METAP1: variants seen among roughly 807,000 people sequenced by gnomAD.
The protein encoded by METAP1 is methionine aminopeptidase 1.
A neutral mutation model predicts 53.8 loss-of-function variants in METAP1; 28 were observed. That is an observed-to-expected ratio of 0.52 (90% CI 0.39 to 0.71). The LOEUF (loss-of-function observed/expected upper bound fraction) is 0.71, where lower values mean the gene tolerates loss of function less well. Ranked by LOEUF, METAP1 falls within the 30% of genes least tolerant of loss-of-function variation. The pLI, the probability that METAP1 is intolerant of heterozygous loss-of-function variation, is 0.00. For synonymous variants in METAP1, 181 were observed against 165.7 expected, an observed-to-expected ratio of 1.09 and a Z score of -0.71; for missense variants, 389 against 479.8, an observed-to-expected ratio of 0.81 and a Z score of 1.77.
chr4:99,045,072 A>C, intron 7 of METAP1, 107 bp from the exon 8 acceptor site: 1 of 1,144,900 alleles, frequency 8.7e-7, no homozygotes, highest in East Asian at 2.6e-5. Context: ...TTGAGAATGC[A>C]GAAGTTGTCT....
chr4:99,046,936 CAAA>C (rs56702946), intron 8 of METAP1, among the ~76,000 whole-genome samples: 2 of 82,220 alleles, frequency 2.4e-5, no homozygotes, highest in African/African-American at 3.7e-5. Context: ...ACTGAAGAAA[CAAA>C]AAAAAAAAAA....
intron 1 of METAP1, chr4:99,022,964 A>T: frequency 6.7e-7 from 1 of 1,484,554 alleles, no homozygotes; most frequent in Non-Finnish European, 9.1e-7. Context: ...AGGGGCTGGA[A>T]GTGTGGTGGG....
chr4:99,049,006 A>G (rs1210146468), intron 9 of METAP1, 130 bp downstream of exon 9: 1 of 1,142,112 alleles, frequency 8.8e-7, no homozygotes, highest in Non-Finnish European at 1.3e-6. Flanking sequence ...AGATTCCCAA[A>G]ATGTGTATTT....
intron 6 of METAP1, 63 bp downstream of exon 6, chr4:99,041,189 A>G (rs1725840122): frequency 2.6e-6 from 3 of 1,141,096 alleles, no homozygotes; most frequent in Admixed American, 2.2e-5. Context: ...TTGAACTTAA[A>G]CATTAAGTAG....
intron 1 of METAP1, among the ~76,000 whole-genome samples, chr4:99,008,785 T>G (rs1382075401): frequency 1.3e-5 from 2 of 152,230 alleles, no homozygotes. Context: ...AAATGTTAGC[T>G]GCTGTTTTTT....
At chr4:99,028,833 G>T (rs1724776523) in intron 1 of METAP1, 34 bp from the exon 2 acceptor site, 1 of 1,458,416 alleles carries the variant, frequency 6.9e-7, no homozygotes, top group African/African-American at 1.4e-5. Context: ...ATTAAGGAAG[G>T]CCTGACACTA....
At chr4:98,998,644 G>C (rs1160287784) in intron 1 of METAP1, among the ~76,000 whole-genome samples, 1 of 152,210 alleles carries the variant, frequency 6.6e-6, no homozygotes, top group Non-Finnish European at 1.5e-5. Context: ...TGGCCTGGCT[G>C]TCTGGCCAGC....
At chr4:99,026,235 A>G (rs1724548824) in intron 1 of METAP1, 2 of 985,194 alleles carry the variant, frequency 2.0e-6, no homozygotes, top group South Asian at 9.4e-5. Flanking sequence ...TGTTGGTGCT[A>G]AAGAAAAAAG....
intron 2 of METAP1, 66 bp from the exon 3 acceptor site, chr4:99,034,164 G>T: frequency 1.0e-6 from 1 of 959,290 alleles, no homozygotes; most frequent in South Asian, 1.4e-5. Context: ...TCATTAGCTT[G>T]ACCACTGAAA....
chr4:99,030,200 TA>T (rs1724904253), intron 2 of METAP1, among the ~76,000 whole-genome samples: 1 of 152,160 alleles, frequency 6.6e-6, no homozygotes, highest in African/African-American at 2.4e-5. Flanking sequence ...AATATGTTAG[TA>T]AAAAAGCTTA....
chr4:99,046,483 C>T (rs1726244243), intron 8 of METAP1, among the ~76,000 whole-genome samples: 1 of 152,164 alleles, frequency 6.6e-6, no homozygotes, highest in Non-Finnish European at 1.5e-5. Context: ...AATGGGCAAA[C>T]AGCCTTCTGG....
intron 1 of METAP1, among the ~76,000 whole-genome samples, chr4:99,021,346 G>A (rs1026172423): frequency 6.6e-6 from 1 of 152,060 alleles, no homozygotes; most frequent in African/African-American, 2.4e-5. Flanking sequence ...GGTTTTAAAA[G>A]TCTCCTTGTC....
At chr4:99,030,430 G>C (rs1045437898) in intron 2 of METAP1, among the ~76,000 whole-genome samples, 1 of 152,134 alleles carries the variant, frequency 6.6e-6, no homozygotes, top group South Asian at 2.1e-4. Context: ...CCATCTTGTA[G>C]CTATTGCTCT....
chr4:99,007,246 T>G (rs1299522336), intron 1 of METAP1, among the ~76,000 whole-genome samples: 1 of 152,154 alleles, frequency 6.6e-6, no homozygotes, highest in African/African-American at 2.4e-5. Flanking sequence ...TGTGAGCCAC[T>G]GCACCTGACC....
intron 5 of METAP1, 32 bp from the exon 6 acceptor site, chr4:99,041,011 T>G (rs1332711369): frequency 6.5e-7 from 1 of 1,528,534 alleles, no homozygotes; most frequent in Non-Finnish European, 9.0e-7. Context: ...TTCTGTGTCT[T>G]TTTTAATGTA....
At chr4:99,046,332 G>A (rs571086662) in intron 8 of METAP1, among the ~76,000 whole-genome samples, 24 of 152,168 alleles carry the variant, frequency 1.6e-4, no homozygotes, top group African/African-American at 5.5e-4. Flanking sequence ...GAGAGTTGCT[G>A]GAACCTGGGA....
rs1724797995 is a variant in METAP1 at position 99,029,067 on chromosome 4, T to A, written c.166+149T>A. 20 of 548,480 alleles carry A rather than the reference T, an allele frequency of 3.6e-5. No homozygotes were observed. In the East Asian group the frequency reaches 6.0e-4, roughly 17 times the overall value. 34.0% of individuals were successfully genotyped at this position (548,480 alleles called of 1,614,324 possible). A position where few individuals can be genotyped will look rare whatever the true frequency, so the allele number is the denominator to read the frequency against. Reference sequence around the variant, plus strand: ...AGAATTATGACATATTTTAAATTTTTGTGATATGTAAATAAAATATGTCTG... The same window carrying A: ...AGAATTATGACATATTTTAAATTTTAGTGATATGTAAATAAAATATGTCTG... On this transcript the variant is annotated intron_variant, in intron 2 of 10. Transcript: ENST00000296411.
At chr4:99,047,895 G>C (rs904892125) in intron 8 of METAP1, among the ~76,000 whole-genome samples, 7 of 152,208 alleles carry the variant, frequency 4.6e-5, no homozygotes, top group African/African-American at 1.7e-4. Context: ...TATCTTTCCT[G>C]TACTGTACCT....
chr4:99,027,952 C>T (rs1314331464), intron 1 of METAP1, among the ~76,000 whole-genome samples: 3 of 44,164 alleles, frequency 6.8e-5, no homozygotes, highest in Non-Finnish European at 2.4e-4. Flanking sequence ...CTACGTAGTC[C>T]TAGGGATTTT....
Sources: allele counts gnomAD v4.1 joint callset (sites outside exome capture counted in the v4.1 genomes callset), GRCh38; gene constraint gnomAD v4.1.1; transcripts MANE v1.5; gene names NCBI Gene and HGNC (gene_info 2026-07-23, HGNC 2026-07-21).